GABRA2: variants seen among roughly 807,000 people sequenced by gnomAD.
The protein encoded by GABRA2 is gamma-aminobutyric acid receptor subunit alpha-2.
Under a neutral mutation model 48.7 loss-of-function variants are expected in GABRA2, and 16 were observed. That is an observed-to-expected ratio of 0.33 (90% CI 0.22 to 0.50). GABRA2 has a LOEUF of 0.50. Ranked by LOEUF, GABRA2 falls within the 20% of genes least tolerant of loss-of-function variation. The probability of loss-of-function intolerance (pLI) is 0.98; values close to 1 mark genes in which losing one functional copy is unlikely to be tolerated. For missense variants in GABRA2, 275 were observed against 535.6 expected, an observed-to-expected ratio of 0.51 and a Z score of 4.80; for synonymous variants, 185 against 184.5, an observed-to-expected ratio of 1.00 and a Z score of -0.02.
intron 8 of GABRA2, among the ~76,000 whole-genome samples, chr4:46,272,424 C>T (rs963319200): frequency 2.0e-5 from 3 of 151,968 alleles, no homozygotes; most frequent in Admixed American, 6.6e-5. Flanking sequence ...GAAACCTATA[C>T]TTTCTTTTAT....
intron 8 of GABRA2, among the ~76,000 whole-genome samples, chr4:46,297,516 T>TATATATATAC (rs1724972960): frequency 7.6e-6 from 1 of 132,332 alleles, no homozygotes; most frequent in South Asian, 2.4e-4. Context: ...TATATATATA[T>TATATATATAC]GGAGAACTGA....
rs115615697 is a variant in GABRA2 at position 46,297,582 on chromosome 4, T to C, written c.856+5878A>G. On this transcript the variant is annotated intron_variant, in intron 8 of 9. Transcript: ENST00000381620. ...TATCTAATTTGTTGGTGTGATATCA[T>C]TATTAATAATCCCTAGTAATGTCCC... is the stretch of plus-strand genomic sequence containing the variant. Among the ~76,000 whole-genome samples the C allele has an allele frequency of 8.3e-3, 1,230 of 147,416 alleles. 23 individuals are homozygous for C. The highest frequency in any genetic ancestry group is 0.03 in the African/African-American group (1,188 of 39,630).
At chr4:46,251,310 C>A (rs962308774) in intron 9 of GABRA2, among the ~76,000 whole-genome samples, 10 of 151,588 alleles carry the variant, frequency 6.6e-5, no homozygotes, top group African/African-American at 1.9e-4. Context: ...CCACAGGGAT[C>A]TTTTTTAAGA....
chr4:46,291,776 C>CATATATATATATATATATAT (rs560142153), intron 8 of GABRA2, among the ~76,000 whole-genome samples: 112 of 144,786 alleles, frequency 7.7e-4, no homozygotes, highest in Non-Finnish European at 1.4e-3. Flanking sequence ...TAAACACACA[C>CATATATATATATATATATAT]ATATATATAT....
chr4:46,292,678 T>G (rs1723903580), intron 8 of GABRA2, among the ~76,000 whole-genome samples: 1 of 152,172 alleles, frequency 6.6e-6, no homozygotes, highest in Non-Finnish European at 1.5e-5. Context: ...TGGCCCACTG[T>G]GAGTGAGCTG....
chr4:46,386,171 G>C lies in GABRA2; in HGVS notation c.90C>G (p.Ile30Met), dbSNP rs745379371. ...TGTTATTTTTAGCCTCATCTTCTTG[G>C]ATGTTAGCCAGCACCAACCTAAACA... ...WDPARLVLAN[I>M]QEDEAKNNIT... The change falls in exon 3 of 10, where the codon ATC (isoleucine) becomes ATG (methionine). Residue 30 changes from isoleucine (I) to methionine (M), a missense_variant. Ile to Met is a conservative substitution (Grantham distance 10). Transcript: ENST00000381620. 6.2e-7 allele frequency: 1 copy of C among 1,608,960 alleles called. No individual in the cohort carries two copies.
chr4:46,310,329 C>G, intron 5 of GABRA2, 74 bp from the exon 6 acceptor site: 1 of 1,021,700 alleles, frequency 9.8e-7, no homozygotes, highest in Non-Finnish European at 1.5e-6. Flanking sequence ...TTACTCTCAA[C>G]AGACTCGATA....
intron 3 of GABRA2, among the ~76,000 whole-genome samples, chr4:46,350,598 CTTAAA>C (rs915168901): frequency 2.0e-5 from 3 of 151,530 alleles, no homozygotes; most frequent in South Asian, 2.1e-4. Flanking sequence ...CTGCCTCAAA[CTTAAA>C]TTAAAATAAT....
At chr4:46,273,246 T>C (rs1432247821) in intron 8 of GABRA2, among the ~76,000 whole-genome samples, 1 of 151,850 alleles carries the variant, frequency 6.6e-6, no homozygotes, top group African/African-American at 2.4e-5. Flanking sequence ...TTGTTGTTTT[T>C]CATTTTTTAA....
intron 8 of GABRA2, among the ~76,000 whole-genome samples, chr4:46,292,438 C>T (rs888471546): frequency 6.6e-6 from 1 of 152,140 alleles, no homozygotes; most frequent in African/African-American, 2.4e-5. Context: ...AAGAATGGGA[C>T]ACTACAACTT....
chr4:46,331,384 T>C (rs190785500), intron 4 of GABRA2, among the ~76,000 whole-genome samples: 206 of 152,276 alleles, frequency 1.4e-3, no homozygotes, highest in Admixed American at 3.3e-3. Flanking sequence ...CAGCATATTT[T>C]GTAACATAAA....
chr4:46,390,107 G>A lies in GABRA2; in HGVS notation c.-383C>T. The A allele has an allele frequency of 2.0e-6, 2 of 976,288 alleles. No homozygotes were observed. Among genetic ancestry groups the A allele is most frequent in the Non-Finnish European group, 2.4e-6 (2 of 821,908 alleles). 60.5% of individuals were successfully genotyped at this position (976,288 alleles called of 1,614,324 possible). A position where few individuals can be genotyped will look rare whatever the true frequency, so the allele number is the denominator to read the frequency against. On this transcript the variant is annotated 5_prime_UTR_variant, in exon 1 of 10. Coordinates refer to ENST00000381620, the MANE Select transcript of GABRA2 (RefSeq NM_000807.4). ...CGGAGGCGCGGTGCGCGCCGGCGGTGGCGGGCACGAGCCCCGCGCCTGGAG... is the reference window on the plus strand; with the variant it reads ...CGGAGGCGCGGTGCGCGCCGGCGGTAGCGGGCACGAGCCCCGCGCCTGGAG...
intron 8 of GABRA2, among the ~76,000 whole-genome samples, chr4:46,279,643 A>C (rs1162394203): frequency 6.6e-6 from 1 of 152,074 alleles, no homozygotes; most frequent in African/African-American, 2.4e-5. Flanking sequence ...TCAAATATAT[A>C]TTTCACAGTA....
rs1714493348 is a variant in GABRA2 at position 46,250,362 on chromosome 4, T to G, written c.1302A>C (p.Leu434Phe). The G allele has an allele frequency of 4.3e-6, 7 of 1,611,370 alleles. No homozygotes were observed. Among genetic ancestry groups the G allele is most frequent in the Non-Finnish European group, 5.1e-6 (6 of 1,178,314 alleles). The change falls in exon 10 of 10, where the codon TTA becomes TTC. Residue 434 changes from leucine (L) to phenylalanine (F), a missense_variant. By Grantham distance (22) the Leu-to-Phe change is conservative. Around this residue, in one of 4 missense-constraint regions of GABRA2, gnomAD observed 99 missense variants for 124.3 expected, o/e 0.80. Transcript: ENST00000381620. ...VFPVLFGTFN[L>F]VYWATYLNRE... ...TGTTTAAATATGTAGCCCAGTAAAC[T>G]AAATTAAAGGTACCAAACAAAACTG...
chr4:46,359,553 G>A (rs1237125223), intron 3 of GABRA2, among the ~76,000 whole-genome samples: 1 of 152,002 alleles, frequency 6.6e-6, no homozygotes, highest in Non-Finnish European at 1.5e-5. Context: ...TCTTTAGTGA[G>A]CTCTCTATTG....
chr4:46,247,784 A>T lies in GABRA2; in HGVS notation c.*2524T>A, dbSNP rs186790948. 6.6e-6 allele frequency among the ~76,000 whole-genome samples: 1 copy of T among 151,454 alleles called. No homozygotes were observed. Among genetic ancestry groups the T allele is most frequent in the Non-Finnish European group, 1.5e-5 (1 of 67,482 alleles). On this transcript the variant is annotated 3_prime_UTR_variant, in exon 10 of 10. Transcript: ENST00000381620. ...TGTTACGAATCTTGTTCTATAATTT[A>T]AAAGCAATTTCCACGGAGCATCCCT... is the stretch of plus-strand genomic sequence containing the variant.
chr4:46,248,005 G>A lies in GABRA2; in HGVS notation c.*2303C>T, dbSNP rs1714033174. The stretch of plus-strand genomic sequence containing the variant: ...TGAAATTTAAAATAAGAATAACAGT[G>A]ATAAGTTTTCTGGTCAATCTGCCAT... On this transcript the variant is annotated 3_prime_UTR_variant, in exon 10 of 10. Transcript: ENST00000381620. Among the ~76,000 whole-genome samples the A allele has an allele frequency of 6.6e-6, 1 of 151,220 alleles. No individual in the cohort carries two copies. The highest frequency in any genetic ancestry group is 6.6e-5 in the Admixed American group (1 of 15,112).
chr4:46,380,857 G>A (rs1417401761), intron 3 of GABRA2, among the ~76,000 whole-genome samples: 1 of 152,018 alleles, frequency 6.6e-6, no homozygotes, highest in Non-Finnish European at 1.5e-5. Context: ...AAAATCCATG[G>A]AAACATGTTA....
chr4:46,338,981 G>A (rs188347913), intron 3 of GABRA2, among the ~76,000 whole-genome samples: 1 of 151,896 alleles, frequency 6.6e-6, no homozygotes, highest in East Asian at 1.9e-4. Context: ...GGCTAATCAG[G>A]TTTATTGTTT....
Sources: allele counts gnomAD v4.1 joint callset (sites outside exome capture counted in the v4.1 genomes callset), GRCh38; gene constraint gnomAD v4.1.1; regional missense constraint gnomAD v4.1.1; transcripts MANE v1.5; gene names NCBI Gene and HGNC (gene_info 2026-07-23, HGNC 2026-07-21).